The following FAM110B variants were observed in gnomAD, a reference collection of about 807,000 sequenced individuals.
FAM110B encodes the protein family with sequence similarity 110 member B.
Under a neutral mutation model 20.4 loss-of-function variants are expected in FAM110B, and 6 were observed. The observed-to-expected ratio is 0.29, with a 90% confidence interval of 0.16 to 0.58. The LOEUF (loss-of-function observed/expected upper bound fraction) is 0.58, where lower values mean the gene tolerates loss of function less well. Ranked by LOEUF, FAM110B falls within the 20% of genes least tolerant of loss-of-function variation. The probability of loss-of-function intolerance (pLI) is 0.90; values close to 1 mark genes in which losing one functional copy is unlikely to be tolerated. For synonymous variants in FAM110B, 226 were observed against 214.1 expected (o/e 1.06, Z -0.49); for missense variants, 434 against 498.2 (o/e 0.87, Z 1.23).
intron 1 of FAM110B, among the ~76,000 whole-genome samples, chr8:58,009,068 C>T (rs1329085003): frequency 6.6e-6 from 1 of 152,210 alleles, no homozygotes; most frequent in Admixed American, 6.5e-5. Context: ...GCTCAAGTAA[C>T]TTGAATGCAC....
intron 2 of FAM110B, among the ~76,000 whole-genome samples, chr8:58,071,808 C>A (rs189708099): frequency 2.6e-5 from 4 of 152,264 alleles, no homozygotes; most frequent in African/African-American, 9.6e-5. Context: ...GTGACTTGAA[C>A]CAGCTGGCGG....
At chr8:57,995,946 A>G (rs1377431832) in intron 1 of FAM110B, among the ~76,000 whole-genome samples, 1 of 152,244 alleles carries the variant, frequency 6.6e-6, no homozygotes, top group Non-Finnish European at 1.5e-5. Context: ...CAGTATGGAT[A>G]GTAGGACTTC....
intron 2 of FAM110B, among the ~76,000 whole-genome samples, chr8:58,036,722 G>A (rs1805079494): frequency 6.6e-6 from 1 of 152,182 alleles, no homozygotes; most frequent in Non-Finnish European, 1.5e-5. Flanking sequence ...TCCCAGAGGT[G>A]TGATTTGATT....
At position 58,148,558 on chromosome 8, in the gene FAM110B, C is replaced by T. The variant is rs551041655; in HGVS notation, c.*1215C>T. On this transcript the variant is annotated 3_prime_UTR_variant, in exon 4 of 4. Coordinates refer to ENST00000519262, the MANE Select transcript of FAM110B (RefSeq NM_001377989.1). The stretch of plus-strand genomic sequence containing the variant: ...TTCCAGGTGGTACAGTTAGCTGTCA[C>T]TCAGCTGACACCATGATGTGGCAGC... The T allele has an allele frequency of 2.2e-3, 370 of 167,198 alleles. No individual in the cohort carries two copies. Among genetic ancestry groups the T allele is most frequent in the Admixed American group, 1.9e-3 (29 of 15,304 alleles). 10.4% of individuals were successfully genotyped at this position (167,198 alleles called of 1,614,324 possible).
chr8:58,127,574 T>C (rs1217117970), intron 3 of FAM110B, among the ~76,000 whole-genome samples: 1 of 151,986 alleles, frequency 6.6e-6, no homozygotes. Context: ...AAAATGTAAA[T>C]AAAAAACCCT....
At chr8:58,075,476 C>T (rs1806015414) in intron 2 of FAM110B, 59 bp from the exon 3 acceptor site, 1 of 152,102 alleles carries the variant, frequency 6.6e-6, no homozygotes. Context: ...TATTTAATAG[C>T]TTGCCTATTT....
chr8:58,067,832 A>AC (rs1805804641), intron 2 of FAM110B, among the ~76,000 whole-genome samples: 1 of 152,200 alleles, frequency 6.6e-6, no homozygotes, highest in Admixed American at 6.5e-5. Flanking sequence ...AAGTTCAAAG[A>AC]CAAGAGGACT....
At position 58,139,506 on chromosome 8, in the gene FAM110B, G is replaced by T. The variant is rs543856908; in HGVS notation, c.-324-6401G>T. 2.0e-5 allele frequency among the ~76,000 whole-genome samples: 3 copies of T among 152,056 alleles called. No individual in the cohort carries two copies. The East Asian group carries it at 5.8e-4, about 29-fold the overall frequency. ...TAGTGTGCAAAGTCAGTCTTTTTTG[G>T]TCAGCCTTTTACTCCTCCATTCGCT... On this transcript the variant is annotated intron_variant, in intron 3 of 3. Coordinates refer to ENST00000519262, the MANE Select transcript of FAM110B (RefSeq NM_001377989.1).
chr8:58,136,139 G>A (rs1803608440), intron 3 of FAM110B, among the ~76,000 whole-genome samples: 1 of 151,114 alleles, frequency 6.6e-6, no homozygotes, highest in South Asian at 2.1e-4. Context: ...AGCCTCCTGA[G>A]TAGCTGGGAT....
In FAM110B at chr8:58,096,237, G is replaced by T. The variant is rs527833514; in HGVS notation, c.-325+20614G>T. Among the ~76,000 whole-genome samples the T allele has an allele frequency of 2.0e-5, 3 of 152,030 alleles. No individual in the cohort carries two copies. The South Asian group carries it at 6.2e-4, about 32-fold the overall frequency. The stretch of plus-strand genomic sequence containing the variant: ...TTCACCCAGGCTGGAGTGCAGTGGC[G>T]CAATGTCTTCTCATTGCAACCTCCA... On this transcript the variant is annotated intron_variant, in intron 3 of 3. Coordinates refer to ENST00000519262, the MANE Select transcript of FAM110B (RefSeq NM_001377989.1).
intron 3 of FAM110B, among the ~76,000 whole-genome samples, chr8:58,112,731 T>C (rs771982429): frequency 1.3e-5 from 2 of 152,252 alleles, no homozygotes; most frequent in African/African-American, 2.4e-5. Context: ...AAACAATATA[T>C]TCTTAAGATT....
intron 3 of FAM110B, among the ~76,000 whole-genome samples, chr8:58,082,357 G>T (rs1806219103): frequency 7.2e-5 from 11 of 152,206 alleles, no homozygotes; most frequent in Admixed American, 7.2e-4. Context: ...CAGCCCCACT[G>T]ACAGCAGAAG....
At chr8:58,091,891 G>T (rs1007049768) in intron 3 of FAM110B, among the ~76,000 whole-genome samples, 1 of 152,134 alleles carries the variant, frequency 6.6e-6, no homozygotes, top group African/African-American at 2.4e-5. Context: ...TTCCAGGAAC[G>T]TTAACTCCAT....
At chr8:58,109,100 C>T (rs1217684335) in intron 3 of FAM110B, among the ~76,000 whole-genome samples, 1 of 152,220 alleles carries the variant, frequency 6.6e-6, no homozygotes, top group Non-Finnish European at 1.5e-5. Context: ...CACATTGTGT[C>T]AGTCTGCCGA....
chr8:58,040,308 C>A (rs1396334685), intron 2 of FAM110B, among the ~76,000 whole-genome samples: 1 of 152,168 alleles, frequency 6.6e-6, no homozygotes, highest in African/African-American at 2.4e-5. Flanking sequence ...CACACAGAAG[C>A]AGTTTGCTTT....
intron 3 of FAM110B, chr8:58,091,622 A>C (rs577947862): frequency 6.6e-6 from 1 of 152,156 alleles, no homozygotes; most frequent in Non-Finnish European, 1.5e-5. Flanking sequence ...GGTCACTGGC[A>C]GACTGAAGAA....
intron 1 of FAM110B, among the ~76,000 whole-genome samples, chr8:58,029,085 T>G (rs980285099): frequency 6.6e-6 from 1 of 152,206 alleles, no homozygotes; most frequent in Non-Finnish European, 1.5e-5. Context: ...CTGTTGTTAA[T>G]AAGCTGCTGA....
intron 3 of FAM110B, among the ~76,000 whole-genome samples, chr8:58,123,924 T>C (rs1807429453): frequency 6.6e-6 from 1 of 152,250 alleles, no homozygotes; most frequent in African/African-American, 2.4e-5. Flanking sequence ...TTTTGTTCTA[T>C]TTATATAGAA....
At chr8:58,067,377 G>A (rs950430148) in intron 2 of FAM110B, among the ~76,000 whole-genome samples, 17 of 152,216 alleles carry the variant, frequency 1.1e-4, no homozygotes, top group Non-Finnish European at 2.4e-4. Flanking sequence ...CAAAGATCTA[G>A]AAGGAGAGAA....
Sources: allele counts gnomAD v4.1 joint callset (sites outside exome capture counted in the v4.1 genomes callset), GRCh38; gene constraint gnomAD v4.1.1; transcripts MANE v1.5; gene names NCBI Gene and HGNC (gene_info 2026-07-23, HGNC 2026-07-21).